The following CRYZ variants were observed in gnomAD, a reference collection of about 807,000 sequenced individuals.
The protein encoded by CRYZ is crystallin zeta, also known as zeta-crystallin.
CRYZ carries 35 observed loss-of-function variants against 34.1 expected under a neutral mutation model. The observed-to-expected ratio is 1.03, with a 90% CI of 0.78 to 1.36. The LOEUF is 1.36. Among genes scored for constraint, CRYZ ranks in the 40% most tolerant of loss-of-function variants. CRYZ has a pLI of 0.00. For missense variants in CRYZ, 403 were observed against 391.8 expected (o/e 1.03, Z -0.24); for synonymous variants, 137 against 136.5 (o/e 1.00, Z -0.03).
At chr1:74,719,159 C>G (rs753753558) in intron 4 of CRYZ, 50 bp downstream of exon 4, 1 of 1,584,822 alleles carries the variant, frequency 6.3e-7, no homozygotes, top group Non-Finnish European at 8.6e-7. Flanking sequence ...AGGCAGTTAA[C>G]ACTACCCTCT....
chr1:74,723,852 A>G (rs1348671244), intron 2 of CRYZ, among the ~76,000 whole-genome samples: 1 of 152,204 alleles, frequency 6.6e-6, no homozygotes, highest in African/African-American at 2.4e-5. Context: ...TATAAGAAAT[A>G]ATTGTCCATG....
At chr1:74,723,374 A>G in intron 2 of CRYZ, 104 bp from the exon 3 acceptor site, 1 of 1,062,188 alleles carries the variant, frequency 9.4e-7, no homozygotes, top group South Asian at 1.6e-5. Flanking sequence ...GGGAGACAAA[A>G]GCAAAACAAA....
intron 1 of CRYZ, among the ~76,000 whole-genome samples, chr1:74,726,841 C>T (rs1647367913): frequency 6.6e-6 from 1 of 152,194 alleles, no homozygotes; most frequent in South Asian, 2.1e-4. Flanking sequence ...GAATGCTTTA[C>T]TGCTTAGAAA....
Position 74,706,209 on chromosome 1 carries a change from T to C in CRYZ, c.*87A>G. The C allele has an allele frequency of 8.8e-7, 1 of 1,141,494 alleles. No homozygotes were observed. Among genetic ancestry groups the C allele is most frequent in the Non-Finnish European group, 1.2e-6 (1 of 830,012 alleles). 70.7% of individuals were successfully genotyped at this position (1,141,494 alleles called of 1,614,324 possible). Reference sequence around the variant, plus strand: ...CACATAAGAAGCTCATGGAATCGAATGTTAATTAAAGAAAAGATAGGGTAA... The same window carrying C: ...CACATAAGAAGCTCATGGAATCGAACGTTAATTAAAGAAAAGATAGGGTAA... On this transcript the variant is annotated 3_prime_UTR_variant, in exon 9 of 9. Transcript: ENST00000340866.
chr1:74,725,903 A>T (rs1647312147), intron 1 of CRYZ, among the ~76,000 whole-genome samples: 2 of 152,344 alleles, frequency 1.3e-5, no homozygotes, highest in South Asian at 4.1e-4. Context: ...CCAGCGAGAC[A>T]GTCAAATCTT....
chr1:74,718,362 A>G (rs1231181800), intron 4 of CRYZ, among the ~76,000 whole-genome samples: 1 of 152,126 alleles, frequency 6.6e-6, no homozygotes, highest in Non-Finnish European at 1.5e-5. Context: ...AGTCATCTCA[A>G]TAAAACATAA....
chr1:74,732,411 A>G (rs920374485), intron 1 of CRYZ, among the ~76,000 whole-genome samples: 1 of 149,188 alleles, frequency 6.7e-6, no homozygotes, highest in African/African-American at 2.5e-5. Flanking sequence ...GGGCTGTGCG[A>G]AGGGGCCCTA....
Position 74,723,236 on chromosome 1 carries a change from G to T in CRYZ, c.146C>A (p.Pro49His), listed in dbSNP as rs1557731334. ...ACCAGAGCGAATGTATGTCTCCACG[G>T]GGTTGACACCACATGCATGGACCTT... ...LIKVHACGVNPVETYIRSGTY... is the reference protein window; with the variant it reads ...LIKVHACGVNHVETYIRSGTY... Residue 49 changes from proline (P) to histidine (H), a missense_variant, in exon 3 of 9, where the codon CCC (proline) becomes CAC (histidine). By Grantham distance (77) the Pro-to-His change is moderately conservative. Coordinates refer to ENST00000340866, the MANE Select transcript of CRYZ (RefSeq NM_001889.4). 1.9e-6 allele frequency: 3 copies of T among 1,613,786 alleles called. No homozygotes were observed. The highest frequency in any genetic ancestry group is 2.5e-6 in the Non-Finnish European group (3 of 1,179,906).
chr1:74,725,109 C>T (rs1159680365), intron 1 of CRYZ, among the ~76,000 whole-genome samples: 2 of 152,156 alleles, frequency 1.3e-5, no homozygotes, highest in African/African-American at 4.8e-5. Flanking sequence ...TAGCATGATA[C>T]CATATTTAGG....
At chr1:74,717,198 C>T (rs930165941) in intron 4 of CRYZ, among the ~76,000 whole-genome samples, 10 of 152,090 alleles carry the variant, frequency 6.6e-5, no homozygotes, top group Non-Finnish European at 1.5e-4. Flanking sequence ...AGATCTTATT[C>T]CATCTGTAAA....
At chr1:74,720,417 G>A (rs920611045) in intron 3 of CRYZ, among the ~76,000 whole-genome samples, 2 of 152,062 alleles carry the variant, frequency 1.3e-5, no homozygotes, top group Non-Finnish European at 2.9e-5. Context: ...CAGGACTCAG[G>A]GTGAAACAAT....
chr1:74,710,033 T>C (rs1646979981), intron 6 of CRYZ, 65 bp downstream of exon 6: 27 of 1,451,472 alleles, frequency 1.9e-5, no homozygotes, highest in Non-Finnish European at 2.6e-5. Flanking sequence ...TAAAAACATA[T>C]TAAAAAACCA....
chr1:74,727,821 T>A (rs1647463614), intron 1 of CRYZ, among the ~76,000 whole-genome samples: 1 of 152,068 alleles, frequency 6.6e-6, no homozygotes, highest in Non-Finnish European at 1.5e-5. Flanking sequence ...AGCCAAATGA[T>A]ATTACCCAGC....
intron 3 of CRYZ, among the ~76,000 whole-genome samples, chr1:74,721,920 G>C (rs930932005): frequency 7.2e-5 from 11 of 152,174 alleles, no homozygotes; most frequent in African/African-American, 2.7e-4. Flanking sequence ...TTGAAATGTT[G>C]CTAGAGTGAC....
chr1:74,716,677 T>C (rs557089190), intron 4 of CRYZ, among the ~76,000 whole-genome samples: 1 of 152,240 alleles, frequency 6.6e-6, no homozygotes, highest in East Asian at 1.9e-4. Context: ...AAAACCCATA[T>C]TCTCTCAAAA....
At chr1:74,720,020 G>A (rs574771274) in intron 3 of CRYZ, among the ~76,000 whole-genome samples, 140 of 152,098 alleles carry the variant, frequency 9.2e-4, no homozygotes, top group African/African-American at 3.1e-3. Flanking sequence ...AGCTAGTGAG[G>A]TGGGCATGTA....
intron 1 of CRYZ, among the ~76,000 whole-genome samples, chr1:74,730,657 A>G (rs28385407): frequency 0.018 from 2,682 of 152,282 alleles, 82 homozygotes; most frequent in African/African-American, 0.061. Flanking sequence ...AGGTTAAGAG[A>G]CTTGGTCAGG....
chr1:74,715,737 T>C (rs961053494), intron 4 of CRYZ, among the ~76,000 whole-genome samples: 1 of 151,982 alleles, frequency 6.6e-6, no homozygotes, highest in African/African-American at 2.4e-5. Flanking sequence ...CCTCAAACAC[T>C]AAAGACACAT....
In CRYZ at chr1:74,706,889, C is replaced by CTT; in HGVS notation, c.828+8_828+9dup. On this transcript the variant is annotated intron_variant, in intron 8 of 8. Transcript: ENST00000340866. ...TAAGTTACCAAAATCAGAAGTACTT[C>CTT]TTTTCCTACCTTGGTTGAGGAAAAG... 6.2e-7 allele frequency: 1 copy of CTT among 1,609,352 alleles called. No homozygotes were observed.
Sources: allele counts gnomAD v4.1 joint callset (sites outside exome capture counted in the v4.1 genomes callset), GRCh38; gene constraint gnomAD v4.1.1; transcripts MANE v1.5; gene names NCBI Gene and HGNC (gene_info 2026-07-23, HGNC 2026-07-21).